RNF38: variants seen among roughly 807,000 people sequenced by gnomAD.
RNF38 encodes E3 ubiquitin-protein ligase RNF38.
RNF38 carries 15 observed loss-of-function variants against 67.2 expected under a neutral mutation model. The ratio of observed to expected loss-of-function variants is 0.22; its 90% CI spans 0.15 to 0.34. The LOEUF is 0.34. Among genes scored for constraint, RNF38 ranks in the 10% least tolerant of loss-of-function variants. The probability of loss-of-function intolerance (pLI) is 1.00; values close to 1 mark genes in which losing one functional copy is unlikely to be tolerated. For synonymous variants in RNF38, 220 were observed against 218.8 expected, an observed-to-expected ratio of 1.01 and a Z score of -0.05; for missense variants, 524 against 639.9, an observed-to-expected ratio of 0.82 and a Z score of 1.95.
intron 1 of RNF38, among the ~76,000 whole-genome samples, chr9:36,478,074 G>GA (rs776090522): frequency 6.6e-6 from 1 of 151,884 alleles, no homozygotes; most frequent in Non-Finnish European, 1.5e-5. Flanking sequence ...ATATTAAGAA[G>GA]AAAATTTTCA....
At chr9:36,382,940 ACT>A (rs890492780) in intron 2 of RNF38, among the ~76,000 whole-genome samples, 2 of 152,196 alleles carry the variant, frequency 1.3e-5, no homozygotes, top group Non-Finnish European at 1.5e-5. Context: ...GGAAGAGCAA[ACT>A]CTCACTAAAT....
chr9:36,443,589 T>A (rs1839242102), intron 1 of RNF38, among the ~76,000 whole-genome samples: 2 of 152,206 alleles, frequency 1.3e-5, no homozygotes, highest in Admixed American at 1.3e-4. Context: ...AGATAAAGAC[T>A]TAACTAACAT....
intron 8 of RNF38, among the ~76,000 whole-genome samples, chr9:36,351,834 G>A (rs1329160289): frequency 2.0e-5 from 3 of 152,180 alleles, no homozygotes; most frequent in African/African-American, 4.8e-5. Context: ...GAGAGGAGCA[G>A]GTAGGCAGAG....
chr9:36,431,965 G>A (rs1239138756), intron 1 of RNF38, among the ~76,000 whole-genome samples: 1 of 152,042 alleles, frequency 6.6e-6, no homozygotes, highest in Non-Finnish European at 1.5e-5. Context: ...CAATCACTCA[G>A]GAAATTCCTA....
At chr9:36,422,271 A>T (rs1433694034) in intron 2 of RNF38, among the ~76,000 whole-genome samples, 5 of 152,038 alleles carry the variant, frequency 3.3e-5, no homozygotes, top group African/African-American at 1.2e-4. Context: ...AAAAATGCAA[A>T]AAATTAGCTG....
At chr9:36,388,770 T>C (rs1220091065) in intron 2 of RNF38, among the ~76,000 whole-genome samples, 1 of 152,114 alleles carries the variant, frequency 6.6e-6, no homozygotes, top group African/African-American at 2.4e-5. Context: ...TTAAAACAGA[T>C]TATTCTAAAA....
intron 1 of RNF38, among the ~76,000 whole-genome samples, chr9:36,472,016 T>C (rs1840009257): frequency 6.6e-6 from 1 of 152,230 alleles, no homozygotes; most frequent in Non-Finnish European, 1.5e-5. Context: ...AGCTTTAAAA[T>C]ATCAATTTTA....
At chr9:36,386,115 T>C (rs910378567) in intron 2 of RNF38, among the ~76,000 whole-genome samples, 4 of 152,182 alleles carry the variant, frequency 2.6e-5, no homozygotes, top group Admixed American at 6.6e-5. Flanking sequence ...AAAGATGTGT[T>C]TGGGCCTAAC....
At chr9:36,422,628 C>T (rs1207910794) in intron 2 of RNF38, among the ~76,000 whole-genome samples, 1 of 152,170 alleles carries the variant, frequency 6.6e-6, no homozygotes, top group Admixed American at 6.5e-5. Context: ...AATACATAGT[C>T]AAGAGACCCT....
At chr9:36,455,558 G>A (rs1395668452) in intron 1 of RNF38, among the ~76,000 whole-genome samples, 3 of 151,982 alleles carry the variant, frequency 2.0e-5, no homozygotes, top group Non-Finnish European at 4.4e-5. Context: ...CGAGGCGGGT[G>A]GATCATGAGG....
intron 1 of RNF38, among the ~76,000 whole-genome samples, chr9:36,432,507 T>C (rs1167870999): frequency 6.6e-6 from 1 of 151,968 alleles, no homozygotes; most frequent in South Asian, 2.1e-4. Context: ...AGAAATACTA[T>C]TGGCCAGGCG....
intron 1 of RNF38, among the ~76,000 whole-genome samples, chr9:36,444,921 T>C (rs965800830): frequency 1.4e-5 from 2 of 147,742 alleles, no homozygotes; most frequent in African/African-American, 2.5e-5. Context: ...GCCATTCTCT[T>C]TTTTTTTTTT....
At chr9:36,385,616 T>G (rs1587574680) in intron 2 of RNF38, among the ~76,000 whole-genome samples, 1 of 152,196 alleles carries the variant, frequency 6.6e-6, no homozygotes, top group African/African-American at 2.4e-5. Flanking sequence ...TGACCTCAGG[T>G]GATCCACCCG....
intron 1 of RNF38, among the ~76,000 whole-genome samples, chr9:36,474,003 A>C (rs1395434193): frequency 1.5e-5 from 2 of 133,976 alleles, no homozygotes; most frequent in African/African-American, 5.7e-5. Context: ...AAAAAAAAAA[A>C]AACCCTCAAT....
intron 1 of RNF38, among the ~76,000 whole-genome samples, chr9:36,435,912 A>T (rs1233467484): frequency 2.0e-5 from 3 of 152,208 alleles, no homozygotes; most frequent in South Asian, 4.1e-4. Flanking sequence ...TACAGGCGTG[A>T]GCCACCGCGC....
chr9:36,342,179 C>T lies in RNF38; in HGVS notation c.1485+146G>A, dbSNP rs1346516523. On this transcript the variant is annotated intron_variant, in intron 11 of 11. Transcript: ENST00000259605. ...GTTGACTGCAGTTAATTTTTACTGGCCTTTTCTCATTTGCAGAGATCATAC... is the reference window on the plus strand; with the variant it reads ...GTTGACTGCAGTTAATTTTTACTGGTCTTTTCTCATTTGCAGAGATCATAC... 4.0e-4 allele frequency: 173 copies of T among 435,668 alleles called. 2 individuals carry two copies. In the East Asian group the frequency reaches 6.1e-3, roughly 15 times the overall value. The allele number at this position is 435,668 out of a possible 1,614,324, so 27.0% of individuals were successfully genotyped here. A position where few individuals can be genotyped will look rare whatever the true frequency, so the allele number is the denominator to read the frequency against.
At chr9:36,412,305 A>C (rs1369949993) in intron 2 of RNF38, among the ~76,000 whole-genome samples, 3 of 152,244 alleles carry the variant, frequency 2.0e-5, no homozygotes, top group African/African-American at 7.2e-5. Flanking sequence ...TTTCCCTTAA[A>C]TGTTCTTTCC....
In RNF38 at chr9:36,390,520, T is replaced by C. The variant is rs911830773; in HGVS notation, c.109A>G (p.Ser37Gly). Residue 37 changes from serine (S) to glycine (G), a missense_variant, in exon 2 of 12, where the codon AGT becomes GGT. Ser to Gly is a moderately conservative substitution (Grantham distance 56). This residue lies in a region of RNF38 where 461 missense variants were observed against 517.4 expected (regional missense o/e 0.89). Transcript: ENST00000259605. ...RLQSLFPLLP[S>G]DQNTTVQEDA... Reference sequence around the variant, plus strand: ...TCTTGAACGGTAGTGTTCTGATCACTTGGGAGGAGAGGGAACAGGCTCTGA... The same window carrying C: ...TCTTGAACGGTAGTGTTCTGATCACCTGGGAGGAGAGGGAACAGGCTCTGA... 5.0e-6 allele frequency: 8 copies of C among 1,614,006 alleles called. No individual in the cohort carries two copies. In the African/African-American group the frequency reaches 6.7e-5, roughly 13 times the overall value.
chr9:36,369,032 G>A (rs1835176871), intron 4 of RNF38, among the ~76,000 whole-genome samples: 1 of 152,144 alleles, frequency 6.6e-6, no homozygotes, highest in South Asian at 2.1e-4. Context: ...AACATTGTAG[G>A]CTTGTACCTG....
Sources: gnomAD v4.1 joint callset for allele counts (sites outside exome capture counted in the v4.1 genomes callset) on GRCh38, gnomAD v4.1.1 for gene constraint, gnomAD v4.1.1 regional missense constraint, MANE v1.5 for transcripts, NCBI Gene and HGNC (gene_info 2026-07-23, HGNC 2026-07-21) for gene names.